PAWR: variants seen among roughly 807,000 people sequenced by gnomAD.
The protein encoded by PAWR is PRKC apoptosis WT1 regulator protein.
In PAWR, 23 loss-of-function variants were observed where a neutral mutation model predicts 32.0. The ratio of observed to expected loss-of-function variants is 0.72; its 90% CI spans 0.52 to 1.02. PAWR has a LOEUF of 1.02. PAWR is among the 50% of genes least tolerant of loss of function. The pLI, the probability that PAWR is intolerant of heterozygous loss-of-function variation, is 0.00. For missense variants in PAWR, 457 were observed against 437.7 expected (o/e 1.04, Z -0.39); for synonymous variants, 226 against 187.1 (o/e 1.21, Z -1.70).
intron 3 of PAWR, among the ~76,000 whole-genome samples, chr12:79,615,791 T>A (rs1469734868): frequency 6.6e-6 from 1 of 152,168 alleles, no homozygotes; most frequent in African/African-American, 2.4e-5. Flanking sequence ...GTGCAGTGGC[T>A]CATACCTGTA....
intron 2 of PAWR, among the ~76,000 whole-genome samples, chr12:79,673,912 A>T (rs1878033940): frequency 6.6e-6 from 1 of 152,190 alleles, no homozygotes; most frequent in Non-Finnish European, 1.5e-5. Flanking sequence ...GATGACACAA[A>T]GTAATGGAAA....
intron 3 of PAWR, among the ~76,000 whole-genome samples, chr12:79,620,108 T>C (rs1201907729): frequency 6.6e-6 from 1 of 152,214 alleles, no homozygotes; most frequent in Admixed American, 6.5e-5. Context: ...CATAACATGC[T>C]AACTGACCCT....
chr12:79,651,659 C>T (rs1311568485), intron 2 of PAWR, among the ~76,000 whole-genome samples: 1 of 134,064 alleles, frequency 7.5e-6, no homozygotes, highest in African/African-American at 2.6e-5. Context: ...GAGGATTGCT[C>T]GAGCCTAGGA....
chr12:79,646,928 A>C (rs1876602287), intron 2 of PAWR, among the ~76,000 whole-genome samples: 2 of 152,194 alleles, frequency 1.3e-5, no homozygotes, highest in Non-Finnish European at 2.9e-5. Context: ...CTGTAATCCC[A>C]GCACTTTGGG....
intron 4 of PAWR, among the ~76,000 whole-genome samples, chr12:79,612,813 C>A (rs1174570344): frequency 6.6e-6 from 1 of 152,148 alleles, no homozygotes; most frequent in Admixed American, 6.5e-5. Context: ...CTAGACACCT[C>A]CACTGAAAAA....
chr12:79,617,167 C>T (rs906233795), intron 3 of PAWR, among the ~76,000 whole-genome samples: 1 of 152,118 alleles, frequency 6.6e-6, no homozygotes, highest in African/African-American at 2.4e-5. Flanking sequence ...GCCTGGCCAA[C>T]GTGGTGAAAC....
intron 2 of PAWR, among the ~76,000 whole-genome samples, chr12:79,629,376 T>C (rs927090471): frequency 2.0e-5 from 3 of 151,978 alleles, no homozygotes; most frequent in Non-Finnish European, 4.4e-5. Context: ...ATAAAGAATA[T>C]TATCATGAAT....
intron 2 of PAWR, among the ~76,000 whole-genome samples, chr12:79,666,395 A>T (rs2136837374): frequency 6.6e-6 from 1 of 152,304 alleles, no homozygotes; most frequent in African/African-American, 2.4e-5. Flanking sequence ...TTAGAATACC[A>T]CCATTTTGCA....
chr12:79,617,639 CAT>C (rs1251460765), intron 3 of PAWR, among the ~76,000 whole-genome samples: 1 of 152,056 alleles, frequency 6.6e-6, no homozygotes, highest in Non-Finnish European at 1.5e-5. Flanking sequence ...AATGATTAGA[CAT>C]ATGTATAAGG....
At position 79,585,594 on chromosome 12, in the gene PAWR, C is replaced by G. The variant is rs1873364260; in HGVS notation, c.*7013G>C. The G allele has an allele frequency of 6.5e-6, 1 of 152,740 alleles. No individual in the cohort carries two copies. Among genetic ancestry groups the G allele is most frequent in the Non-Finnish European group, 1.5e-5 (1 of 68,496 alleles). 9.5% of individuals were successfully genotyped at this position (152,740 alleles called of 1,614,324 possible). A position where few individuals can be genotyped will look rare whatever the true frequency, so the allele number is the denominator to read the frequency against. The stretch of plus-strand genomic sequence containing the variant: ...ATTAAACAATATATAAAGCACCTAA[C>G]ACAGCCTGGCACATACGGCTACTGA... On this transcript the variant is annotated 3_prime_UTR_variant, in exon 7 of 7. Transcript: ENST00000328827.
intron 2 of PAWR, among the ~76,000 whole-genome samples, chr12:79,657,402 C>A (rs1877139926): frequency 6.6e-6 from 1 of 151,404 alleles, no homozygotes; most frequent in African/African-American, 2.4e-5. Flanking sequence ...CTGTAGGTCA[C>A]CTACACTTCA....
At chr12:79,622,935 T>A (rs1007531843) in intron 2 of PAWR, among the ~76,000 whole-genome samples, 1 of 152,116 alleles carries the variant, frequency 6.6e-6, no homozygotes, top group African/African-American at 2.4e-5. Flanking sequence ...TCGAAAGGCA[T>A]AGAGGGAACA....
At position 79,633,523 on chromosome 12, in the gene PAWR, T is replaced by C. The variant is rs1044766625; in HGVS notation, c.517-12316A>G. 9.2e-5 allele frequency among the ~76,000 whole-genome samples: 14 copies of C among 152,208 alleles called. 1 individual carries two copies. The highest frequency in any genetic ancestry group is 3.1e-4 in the African/African-American group (13 of 41,498). On this transcript the variant is annotated intron_variant, in intron 2 of 6. Transcript: ENST00000328827. ...ATAAAGTCAGCTGTTTGTTTTTTTG[T>C]TGTTGTTTTTCTTTTATAAACAGCC...
intron 5 of PAWR, among the ~76,000 whole-genome samples, chr12:79,595,056 T>C (rs1318123236): frequency 6.6e-6 from 1 of 152,176 alleles, no homozygotes; most frequent in African/African-American, 2.4e-5. Flanking sequence ...CTATAAGTTA[T>C]GAACTACCTT....
chr12:79,673,092 C>T (rs1028590453), intron 2 of PAWR, among the ~76,000 whole-genome samples: 4 of 152,026 alleles, frequency 2.6e-5, no homozygotes, highest in Admixed American at 1.3e-4. Context: ...TTTTTTGAGA[C>T]GGAGTCTTGC....
intron 2 of PAWR, among the ~76,000 whole-genome samples, chr12:79,664,581 T>C (rs901080784): frequency 3.3e-5 from 5 of 151,614 alleles, no homozygotes; most frequent in Non-Finnish European, 5.9e-5. Context: ...AGAAAGTCAA[T>C]GTTTCAAAAG....
chr12:79,652,383 TA>T (rs1283754312), intron 2 of PAWR, among the ~76,000 whole-genome samples: 2 of 152,198 alleles, frequency 1.3e-5, no homozygotes, highest in Non-Finnish European at 2.9e-5. Flanking sequence ...AATACAAAGA[TA>T]CTCATTGGCT....
At chr12:79,645,399 G>A (rs11114201) in intron 2 of PAWR, among the ~76,000 whole-genome samples, 3,528 of 152,214 alleles carry the variant, frequency 0.023, 135 homozygotes, top group East Asian at 0.18. Context: ...TGCAGCATAT[G>A]GGTAGAAACT....
intron 4 of PAWR, chr12:79,597,675 G>GT (rs1289342635): frequency 1.3e-5 from 2 of 152,174 alleles, no homozygotes; most frequent in African/African-American, 4.8e-5. Context: ...ATCAAAAGTT[G>GT]TAAGTAAAAC....
Sources: allele counts gnomAD v4.1 joint callset (sites outside exome capture counted in the v4.1 genomes callset), GRCh38; gene constraint gnomAD v4.1.1; transcripts MANE v1.5; gene names NCBI Gene and HGNC (gene_info 2026-07-23, HGNC 2026-07-21).